The following ELP3 variants were observed in gnomAD, a reference collection of about 807,000 sequenced individuals.
ELP3 encodes the protein elongator acetyltransferase complex subunit 3, also known as elongator complex protein 3.
In ELP3, 56 loss-of-function variants were observed where a neutral mutation model predicts 74.9. The observed-to-expected ratio is 0.75, with a 90% CI of 0.60 to 0.93. ELP3 has a LOEUF of 0.93. Ranked by LOEUF, ELP3 falls within the 40% of genes least tolerant of loss-of-function variation. The pLI, the probability that ELP3 is intolerant of heterozygous loss-of-function variation, is 0.00. For missense variants in ELP3, 573 were observed against 686.5 expected (o/e 0.83, Z 1.85); for synonymous variants, 222 against 239.8 (o/e 0.93, Z 0.68).
At chr8:28,157,495 G>A (rs1021499106) in intron 11 of ELP3, among the ~76,000 whole-genome samples, 3 of 152,160 alleles carry the variant, frequency 2.0e-5, no homozygotes, top group African/African-American at 7.2e-5. Context: ...CATCAGCAAA[G>A]CATTGTCTTG....
chr8:28,096,469 AG>A (rs761678899), intron 1 of ELP3, among the ~76,000 whole-genome samples: 1 of 152,222 alleles, frequency 6.6e-6, no homozygotes, highest in Non-Finnish European at 1.5e-5. Flanking sequence ...GATATCCCAC[AG>A]CTTTTGTCCC....
intron 3 of ELP3, among the ~76,000 whole-genome samples, chr8:28,102,834 C>T (rs553131524): frequency 2.6e-5 from 4 of 152,152 alleles, no homozygotes; most frequent in Non-Finnish European, 5.9e-5. Flanking sequence ...GTCATGTATC[C>T]ACTATTACTG....
At chr8:28,151,139 T>C (rs1202475641) in intron 10 of ELP3, among the ~76,000 whole-genome samples, 1 of 152,216 alleles carries the variant, frequency 6.6e-6, no homozygotes, top group South Asian at 2.1e-4. Context: ...TTTCAGTCTT[T>C]GTTGTCTTTG....
rs147179507 is a variant in ELP3 at position 28,101,132 on chromosome 8, T to C, written c.258+1166T>C. Among the ~76,000 whole-genome samples the C allele has an allele frequency of 5.6e-3, 851 of 152,196 alleles. 6 individuals carry two copies. The highest frequency in any genetic ancestry group is 0.019 in the African/African-American group (792 of 41,506). ...TTGTTTGTATCTAGTGTAAAAAGCT[T>C]GTTAGCCAGGCACGGTGGCTCACGC... On this transcript the variant is annotated intron_variant, in intron 3 of 14. Transcript: ENST00000256398.
upstream of ELP3, among the ~76,000 whole-genome samples, chr8:28,091,134 C>T (rs1377042765): frequency 6.6e-6 from 1 of 151,964 alleles, no homozygotes; most frequent in African/African-American, 2.4e-5. Flanking sequence ...TCTTGATCTC[C>T]TGACCTTGTG....
chr8:28,129,860 G>A (rs1812726237), intron 8 of ELP3, among the ~76,000 whole-genome samples, 197 bp downstream of exon 8: 1 of 152,050 alleles, frequency 6.6e-6, no homozygotes, highest in Non-Finnish European at 1.5e-5. Context: ...TTCTCTAGTG[G>A]GTCTTTTCCA....
At chr8:28,092,906 C>T, upstream of ELP3, 1 of 488,410 alleles carries the variant, frequency 2.0e-6, no homozygotes, top group East Asian at 4.0e-5. Flanking sequence ...AACTCTGTCC[C>T]ATAGCTGTAC....
At chr8:28,099,146 G>T (rs1811371111) in intron 2 of ELP3, among the ~76,000 whole-genome samples, 1 of 152,232 alleles carries the variant, frequency 6.6e-6, no homozygotes, top group Middle Eastern at 3.2e-3. Flanking sequence ...ATGGATTAAA[G>T]TTAGAAGACA....
rs555539385 is a variant in ELP3 at position 28,099,264 on chromosome 8, A to G, written c.120-564A>G. Among the ~76,000 whole-genome samples, 3 of 152,158 alleles carry G rather than the reference A, an allele frequency of 2.0e-5. No homozygotes were observed. In the South Asian group the frequency reaches 6.2e-4, roughly 32 times the overall value. On this transcript the variant is annotated intron_variant, in intron 2 of 14. Transcript: ENST00000256398. ...ATTTCCTATTTGGTTCTGCATAGCC[A>G]TCCTTGATTTTTTTTTTAATTGTTG...
chr8:28,116,032 T>A (rs1039901425), intron 7 of ELP3, among the ~76,000 whole-genome samples: 3 of 152,216 alleles, frequency 2.0e-5, no homozygotes, highest in Non-Finnish European at 4.4e-5. Flanking sequence ...AAAGCAGTTC[T>A]TGGCACATAG....
rs116718105 is a variant in ELP3 at position 28,109,440 on chromosome 8, T to G, written c.394-930T>G. On this transcript the variant is annotated intron_variant, in intron 5 of 14. Coordinates refer to ENST00000256398, the MANE Select transcript of ELP3 (RefSeq NM_018091.6). ...CTATCCCCTAGCCACTCTTTTTCAC[T>G]CTTCCCCCTACCAGTTAGTGTTGTT... Among the ~76,000 whole-genome samples the G allele has an allele frequency of 7.7e-3, 1,169 of 152,288 alleles. 21 individuals carry two copies. Among genetic ancestry groups the G allele is most frequent in the African/African-American group, 0.026 (1,084 of 41,546 alleles).
intron 7 of ELP3, among the ~76,000 whole-genome samples, chr8:28,125,007 A>G (rs1812516927): frequency 6.6e-6 from 1 of 152,210 alleles, no homozygotes; most frequent in Non-Finnish European, 1.5e-5. Context: ...CACATCAAAC[A>G]TCCAACTCAG....
intron 3 of ELP3, among the ~76,000 whole-genome samples, chr8:28,106,207 T>C (rs1178815069): frequency 5.3e-5 from 8 of 152,190 alleles, no homozygotes; most frequent in African/African-American, 1.2e-4. Flanking sequence ...ATGATTAATA[T>C]TGAACAGAGA....
chr8:28,097,835 G>A (rs113038938), intron 2 of ELP3, among the ~76,000 whole-genome samples: 6 of 152,180 alleles, frequency 3.9e-5, no homozygotes, highest in Admixed American at 1.3e-4. Context: ...TCAAAATTCT[G>A]TGAGATAGGT....
intron 11 of ELP3, 78 bp downstream of exon 11, chr8:28,156,110 C>A: frequency 1.7e-6 from 2 of 1,192,944 alleles, no homozygotes; most frequent in Non-Finnish European, 2.4e-6. Context: ...TTGCCACTAC[C>A]ACCCCTAAAA....
chr8:28,096,915 G>A (rs1811274377), intron 1 of ELP3, among the ~76,000 whole-genome samples: 1 of 152,148 alleles, frequency 6.6e-6, no homozygotes, highest in Admixed American at 6.6e-5. Flanking sequence ...TTTCCTGTGT[G>A]ATTAAGTTCT....
intron 14 of ELP3, among the ~76,000 whole-genome samples, chr8:28,176,037 G>A (rs898192794): frequency 4.6e-5 from 7 of 151,746 alleles, no homozygotes; most frequent in Non-Finnish European, 7.4e-5. Flanking sequence ...AGCTAGTCTC[G>A]AACTCCTGAC....
In ELP3 at chr8:28,189,759, C is replaced by G. The variant is rs1171324613; in HGVS notation, c.*34C>G. 5.7e-6 allele frequency: 9 copies of G among 1,589,968 alleles called. No homozygotes were observed. The highest frequency in any genetic ancestry group is 7.8e-6 in the Non-Finnish European group (9 of 1,158,280). The stretch of plus-strand genomic sequence containing the variant: ...CCAGTCCACTCTTCTGCAGTATCCT[C>G]CCTGGCAGAACACGGAGAATCAGGA... On this transcript the variant is annotated 3_prime_UTR_variant, in exon 15 of 15. Transcript: ENST00000256398.
chr8:28,103,181 C>A (rs562159634), intron 3 of ELP3, among the ~76,000 whole-genome samples: 2 of 150,744 alleles, frequency 1.3e-5, no homozygotes, highest in South Asian at 4.2e-4. Context: ...AAAAAACAAA[C>A]AAACAAACAA....
Sources: gnomAD v4.1 joint callset for allele counts (sites outside exome capture counted in the v4.1 genomes callset) on GRCh38, gnomAD v4.1.1 for gene constraint, MANE v1.5 for transcripts, NCBI Gene and HGNC (gene_info 2026-07-23, HGNC 2026-07-21) for gene names.